ZC3H11A: variants seen among roughly 807,000 people sequenced by gnomAD.
ZC3H11A encodes zinc finger CCCH-type containing 11A.
ZC3H11A carries 22 observed loss-of-function variants against 90.8 expected under a neutral mutation model. The ratio of observed to expected loss-of-function variants is 0.24; its 90% CI spans 0.17 to 0.35. The LOEUF is 0.35. ZC3H11A is among the 10% of genes least tolerant of loss of function. The pLI, the probability that ZC3H11A is intolerant of heterozygous loss-of-function variation, is 1.00. For missense variants in ZC3H11A, 701 were observed against 964.9 expected (o/e 0.73, Z 3.62); for synonymous variants, 294 against 339.8 (o/e 0.87, Z 1.48).
chr1:203,842,243 C>T (rs1258466423), intron 12 of ZC3H11A, among the ~76,000 whole-genome samples: 1 of 152,166 alleles, frequency 6.6e-6, no homozygotes, highest in African/African-American at 2.4e-5. Flanking sequence ...GGAGGCAAGG[C>T]AGGCGGCTGG....
chr1:203,833,783 C>T lies in ZC3H11A; in HGVS notation c.812-8C>T. On this transcript the variant is annotated splice_polypyrimidine_tract_variant and splice_region_variant and intron_variant, in intron 9 of 17. Coordinates refer to ENST00000367210, the MANE Select transcript of ZC3H11A (RefSeq NM_001376342.1). ...AAGGATAGAGAAATTCTGCTTTTGCCATTTCAGGAGAAGAACCCTTGGTTA... is the reference window on the plus strand; with the variant it reads ...AAGGATAGAGAAATTCTGCTTTTGCTATTTCAGGAGAAGAACCCTTGGTTA... 6.2e-7 allele frequency: 1 copy of T among 1,602,038 alleles called. No homozygotes were observed. The highest frequency in any genetic ancestry group is 2.3e-5 in the East Asian group (1 of 44,366).
intron 3 of ZC3H11A, among the ~76,000 whole-genome samples, chr1:203,817,499 A>T (rs577232656): frequency 6.6e-6 from 1 of 151,102 alleles, no homozygotes; most frequent in South Asian, 2.1e-4. Flanking sequence ...ATTGTGTTGT[A>T]CTTCCAGAAA....
chr1:203,835,276 A>G (rs1253687834), intron 10 of ZC3H11A, among the ~76,000 whole-genome samples: 1 of 152,248 alleles, frequency 6.6e-6, no homozygotes, highest in African/African-American at 2.4e-5. Context: ...AATCCTTGGC[A>G]ACCATGAGTA....
chr1:203,831,593 A>C (rs1280450569), intron 8 of ZC3H11A, 68 bp from the exon 9 acceptor site: 1 of 1,435,030 alleles, frequency 7.0e-7, no homozygotes, highest in African/African-American at 1.4e-5. Context: ...TACAAAAACA[A>C]ATTTTTTGAC....
chr1:203,814,436 A>G (rs1453070109), intron 2 of ZC3H11A, among the ~76,000 whole-genome samples: 1 of 152,120 alleles, frequency 6.6e-6, no homozygotes, highest in African/African-American at 2.4e-5. Flanking sequence ...AGGCGGGAGA[A>G]TTGCTTGAAC....
rs1168745482 is a variant in ZC3H11A, at chr1:203,800,419, A to G, written c.-1587-1156A>G. On this transcript the variant is annotated intron_variant, in intron 1 of 17. Coordinates refer to ENST00000367210, the MANE Select transcript of ZC3H11A (RefSeq NM_001376342.1). ...TTGGTTCTGAGCTGGGATCCTGAGC[A>G]GAATGAAGTTGTTCAAAGCAGTGAA... 3.8e-6 allele frequency: 5 copies of G among 1,318,040 alleles called. No individual in the cohort carries two copies. In the East Asian group the frequency reaches 7.5e-5, roughly 20 times the overall value. 81.6% of individuals were successfully genotyped at this position (1,318,040 alleles called of 1,614,324 possible).
At chr1:203,804,663 T>C (rs1335269822) in intron 2 of ZC3H11A, among the ~76,000 whole-genome samples, 1 of 150,428 alleles carries the variant, frequency 6.6e-6, no homozygotes, top group Non-Finnish European at 1.5e-5. Context: ...TTTTTTTCTT[T>C]TTTGCCTCAT....
At position 203,849,324 on chromosome 1, in the gene ZC3H11A, A is replaced by C. The variant is rs202245739; in HGVS notation, c.1624-387A>C. Among the ~76,000 whole-genome samples the C allele has an allele frequency of 2.0e-5, 3 of 152,348 alleles. No homozygotes were observed. In the East Asian group the frequency reaches 5.8e-4, roughly 29 times the overall value. ...TTACCATGTTAATAATTCTTCAAGAAGTTTGTTTTTACTGACCACATGATT... is the reference window on the plus strand; with the variant it reads ...TTACCATGTTAATAATTCTTCAAGACGTTTGTTTTTACTGACCACATGATT... On this transcript the variant is annotated intron_variant, in intron 14 of 17. Transcript: ENST00000367210.
chr1:203,797,786 T>C, intron 1 of ZC3H11A: 1 of 1,536,006 alleles, frequency 6.5e-7, no homozygotes, highest in Non-Finnish European at 8.7e-7. Flanking sequence ...TTAGTAAGGA[T>C]TTGGGATCTG....
chr1:203,823,666 C>G (rs1679518142), intron 4 of ZC3H11A, among the ~76,000 whole-genome samples: 1 of 152,206 alleles, frequency 6.6e-6, no homozygotes, highest in South Asian at 2.1e-4. Flanking sequence ...TATGCTAACT[C>G]TTTTCTGCAC....
intron 1 of ZC3H11A, chr1:203,799,337 G>A: frequency 1.4e-6 from 1 of 705,972 alleles, no homozygotes; most frequent in Non-Finnish European, 2.6e-6. Flanking sequence ...TTGAGAATAT[G>A]TTAGTGGCTG....
At chr1:203,843,244 A>AT (rs1233097011) in intron 12 of ZC3H11A, among the ~76,000 whole-genome samples, 1 of 152,180 alleles carries the variant, frequency 6.6e-6, no homozygotes, top group African/African-American at 2.4e-5. Context: ...GATAATCAGT[A>AT]TTTATCATAA....
chr1:203,802,728 T>TG lies in ZC3H11A; in HGVS notation c.-434_-433insG, dbSNP rs1389913300. On this transcript the variant is annotated 5_prime_UTR_variant, in exon 2 of 18. The change abolishes the stop of an existing upstream ORF in the 5' untranslated region. Coordinates refer to ENST00000367210, the MANE Select transcript of ZC3H11A (RefSeq NM_001376342.1). ...TTAAATGAACTCTTTTTTTTTGTTT[T>TG]TTTTTTGTTTTGTTTTGTTTTGTTT... 5 of 137,930 alleles carry TG rather than the reference T, an allele frequency of 3.6e-5. No individual in the cohort carries two copies. Among genetic ancestry groups the TG allele is most frequent in the East Asian group, 2.5e-4 (1 of 3,940 alleles). The allele number at this position is 137,930 out of a possible 1,614,324, so 8.5% of individuals were successfully genotyped here.
chr1:203,813,158 C>T (rs1391231699), intron 2 of ZC3H11A, among the ~76,000 whole-genome samples: 1 of 152,024 alleles, frequency 6.6e-6, no homozygotes, highest in Non-Finnish European at 1.5e-5. Context: ...TTTCACAGAG[C>T]AGACCTTTTT....
chr1:203,828,589 C>T (rs1419841556), intron 5 of ZC3H11A, among the ~76,000 whole-genome samples, 167 bp downstream of exon 5: 1 of 152,144 alleles, frequency 6.6e-6, no homozygotes, highest in Non-Finnish European at 1.5e-5. Flanking sequence ...ATGATTTATC[C>T]TTGGCCTTAG....
intron 2 of ZC3H11A, chr1:203,805,927 TC>T: frequency 1.5e-6 from 1 of 659,996 alleles, no homozygotes; most frequent in Non-Finnish European, 2.9e-6. Flanking sequence ...TACCTTCATT[TC>T]CTTTGCTCCC....
At position 203,852,707 on chromosome 1, in the gene ZC3H11A, G is replaced by GT. The variant is rs1689558731; in HGVS notation, c.*309dup. ...AAGTGAAAGGGTGCAAGCGAACTTA[G>GT]TGACTCCTTGAGGTGTTTGTCAGTT... is the stretch of plus-strand genomic sequence containing the variant. On this transcript the variant is annotated 3_prime_UTR_variant, in exon 18 of 18. Transcript: ENST00000367210. 1 of 379,366 alleles carries GT rather than the reference G, an allele frequency of 2.6e-6. No homozygotes were observed. The highest frequency in any genetic ancestry group is 4.8e-6 in the Non-Finnish European group (1 of 206,964). 23.5% of individuals were successfully genotyped at this position (379,366 alleles called of 1,614,324 possible).
At chr1:203,808,923 C>T (rs577100849) in intron 2 of ZC3H11A, among the ~76,000 whole-genome samples, 20 of 151,526 alleles carry the variant, frequency 1.3e-4, no homozygotes, top group Admixed American at 8.5e-4. Context: ...CTCCACCTCC[C>T]GGGTTCAGGT....
intron 2 of ZC3H11A, among the ~76,000 whole-genome samples, chr1:203,811,098 G>A (rs571748932): frequency 7.4e-5 from 11 of 149,074 alleles, no homozygotes; most frequent in East Asian, 5.9e-4. Flanking sequence ...CCGAGATTGC[G>A]CCACTGCACT....
Sources: allele counts gnomAD v4.1 joint callset (sites outside exome capture counted in the v4.1 genomes callset), GRCh38; gene constraint gnomAD v4.1.1; transcripts MANE v1.5; gene names NCBI Gene and HGNC (gene_info 2026-07-23, HGNC 2026-07-21).